The following ZBTB20 variants were observed in gnomAD, a reference collection of about 807,000 sequenced individuals.
The protein encoded by ZBTB20 is zinc finger and BTB domain containing 20, also known as zinc finger and BTB domain-containing protein 20.
A neutral mutation model predicts 56.9 loss-of-function variants in ZBTB20; 9 were observed. The observed-to-expected ratio is 0.16, with a 90% confidence interval of 0.10 to 0.28. The LOEUF is 0.28. Ranked by LOEUF, ZBTB20 falls within the 10% of genes least tolerant of loss-of-function variation. The pLI is 1.00. For synonymous variants in ZBTB20, 417 were observed against 420.7 expected (o/e 0.99, Z 0.11); for missense variants, 655 against 1,003.0 (o/e 0.65, Z 4.69).
At chr3:114,846,029 A>G (rs181908727) in intron 4 of ZBTB20, among the ~76,000 whole-genome samples, 3 of 152,330 alleles carry the variant, frequency 2.0e-5, no homozygotes, top group African/African-American at 7.2e-5. Context: ...CACTGGGAAC[A>G]ATGACAATTA....
chr3:114,743,857 TCA>T (rs1036063585), intron 5 of ZBTB20: 14 of 152,190 alleles, frequency 9.2e-5, no homozygotes, highest in African/African-American at 3.4e-4. Context: ...CAAAATTCTC[TCA>T]CAGAGATATT....
intron 6 of ZBTB20, among the ~76,000 whole-genome samples, chr3:114,541,668 A>C (rs1354181178): frequency 2.6e-5 from 4 of 152,164 alleles, no homozygotes; most frequent in Admixed American, 2.6e-4. Context: ...GTACCTACAG[A>C]CCTTTTCTTC....
chr3:114,985,011 G>T (rs1004785994), intron 2 of ZBTB20, among the ~76,000 whole-genome samples: 2 of 151,898 alleles, frequency 1.3e-5, no homozygotes, highest in African/African-American at 4.8e-5. Flanking sequence ...AACTCAAATG[G>T]CACGTGGTTA....
chr3:114,340,334 A>C lies in ZBTB20; in HGVS notation c.1805-908T>G, dbSNP rs1365996251. Among the ~76,000 whole-genome samples the C allele has an allele frequency of 4.6e-5, 7 of 152,068 alleles. No individual in the cohort carries two copies. The East Asian group carries it at 9.6e-4, about 21-fold the overall frequency. On this transcript the variant is annotated intron_variant, in intron 11 of 11. Transcript: ENST00000675478. Reference sequence around the variant, plus strand: ...CCAAGAGCAGTGTGGGAATACATGCATGGTATTCTTATTACAAGGATACCT... The same window carrying C: ...CCAAGAGCAGTGTGGGAATACATGCCTGGTATTCTTATTACAAGGATACCT...
chr3:115,037,225 A>G (rs1431340091), intron 2 of ZBTB20, among the ~76,000 whole-genome samples: 1 of 152,168 alleles, frequency 6.6e-6, no homozygotes, highest in Admixed American at 6.5e-5. Context: ...CAAAGTAACA[A>G]GCACAGTAAG....
chr3:114,911,514 A>C (rs2075536328), intron 3 of ZBTB20, among the ~76,000 whole-genome samples: 2 of 152,124 alleles, frequency 1.3e-5, no homozygotes, highest in East Asian at 3.9e-4. Flanking sequence ...TAAACCACAA[A>C]ATATAATTAG....
intron 6 of ZBTB20, among the ~76,000 whole-genome samples, chr3:114,509,528 A>C (rs1232507648): frequency 6.6e-6 from 1 of 151,858 alleles, no homozygotes; most frequent in Non-Finnish European, 1.5e-5. Context: ...CACCTCAAGA[A>C]GCCAATTGTG....
chr3:114,846,318 T>A (rs1297078443), intron 4 of ZBTB20, among the ~76,000 whole-genome samples: 1 of 152,218 alleles, frequency 6.6e-6, no homozygotes, highest in African/African-American at 2.4e-5. Flanking sequence ...CTTTATTCTT[T>A]TTAGATACAA....
At chr3:114,900,130 A>C (rs2075049375) in intron 4 of ZBTB20, among the ~76,000 whole-genome samples, 174 bp downstream of exon 4, 2 of 152,156 alleles carry the variant, frequency 1.3e-5, no homozygotes, top group Admixed American at 1.3e-4. Context: ...CAATAGAATA[A>C]AATAAAATAT....
chr3:115,101,088 C>G (rs1162728929), intron 1 of ZBTB20, among the ~76,000 whole-genome samples: 1 of 152,224 alleles, frequency 6.6e-6, no homozygotes, highest in Admixed American at 6.5e-5. Flanking sequence ...AAGCATCTAG[C>G]TGTACAAACA....
chr3:114,394,882 T>C (rs2086199831), intron 7 of ZBTB20, among the ~76,000 whole-genome samples: 1 of 152,108 alleles, frequency 6.6e-6, no homozygotes, highest in South Asian at 2.1e-4. Flanking sequence ...AAAAAATTGT[T>C]TTTAGATCCC....
Position 114,314,525 on chromosome 3 carries a change from T to A in ZBTB20, c.*24480A>T, listed in dbSNP as rs2078605289. On this transcript the variant is annotated 3_prime_UTR_variant, in exon 12 of 12. Transcript: ENST00000675478. ...GAAGAGTTTTTTTTTTTTTAATTAT[T>A]CCTTCATATTCAAACTTCACAAACA... 1 of 151,408 alleles carries A rather than the reference T, an allele frequency of 6.6e-6. No homozygotes were observed. The highest frequency in any genetic ancestry group is 2.4e-5 in the African/African-American group (1 of 41,270). The allele number at this position is 151,408 out of a possible 1,614,324, so 9.4% of individuals were successfully genotyped here. A position where few individuals can be genotyped will look rare whatever the true frequency, so the allele number is the denominator to read the frequency against.
chr3:114,910,861 C>T (rs2075507211), intron 3 of ZBTB20, among the ~76,000 whole-genome samples: 1 of 152,012 alleles, frequency 6.6e-6, no homozygotes, highest in African/African-American at 2.4e-5. Flanking sequence ...CCTAACACTT[C>T]ACCCAATTTT....
intron 4 of ZBTB20, among the ~76,000 whole-genome samples, chr3:114,864,341 T>C (rs1021116337): frequency 2.6e-5 from 4 of 152,086 alleles, no homozygotes; most frequent in African/African-American, 9.7e-5. Flanking sequence ...TCAGTATCTC[T>C]CATTTCTTAT....
At chr3:114,488,623 CT>C (rs1281059957) in intron 7 of ZBTB20, among the ~76,000 whole-genome samples, 1 of 152,078 alleles carries the variant, frequency 6.6e-6, no homozygotes, top group African/African-American at 2.4e-5. Context: ...TGGGCAGTCT[CT>C]TTTTTTGTTG....
rs369344408 is a variant in ZBTB20, at chr3:115,032,841, C to A, written c.-507+38378G>T. ...TGAATGAAAAAGTATTATCCCAAAT[C>A]AAAACTTAAGAAACACAGCAAAAGG... On this transcript the variant is annotated intron_variant, in intron 2 of 11. Transcript: ENST00000675478. Among the ~76,000 whole-genome samples the A allele has an allele frequency of 5.4e-4, 81 of 148,722 alleles. 1 individual carries two copies. Among genetic ancestry groups the A allele is most frequent in the African/African-American group, 1.9e-3 (77 of 40,658 alleles).
At chr3:114,431,911 C>A (rs1170044665) in intron 7 of ZBTB20, among the ~76,000 whole-genome samples, 1 of 152,092 alleles carries the variant, frequency 6.6e-6, no homozygotes, top group Non-Finnish European at 1.5e-5. Flanking sequence ...GGTCAAGTGG[C>A]ACAAAGGAGT....
intron 4 of ZBTB20, among the ~76,000 whole-genome samples, chr3:114,818,230 A>G (rs2108906852): frequency 6.6e-6 from 1 of 152,254 alleles, no homozygotes; most frequent in East Asian, 1.9e-4. Context: ...AAAACTCATA[A>G]TTTCAATTGT....
chr3:114,512,515 T>G (rs1467201046), intron 6 of ZBTB20, among the ~76,000 whole-genome samples: 1 of 152,164 alleles, frequency 6.6e-6, no homozygotes, highest in Non-Finnish European at 1.5e-5. Context: ...CCACCTGCCA[T>G]GATGATTCCT....
Sources: allele counts gnomAD v4.1 joint callset (sites outside exome capture counted in the v4.1 genomes callset), GRCh38; gene constraint gnomAD v4.1.1; transcripts MANE v1.5; gene names NCBI Gene and HGNC (gene_info 2026-07-23, HGNC 2026-07-21).